SH3GLB1: variants seen among roughly 807,000 people sequenced by gnomAD.
The protein encoded by SH3GLB1 is SH3 domain containing GRB2 like, endophilin B1.
In SH3GLB1, 17 loss-of-function variants were observed where a neutral mutation model predicts 42.0. The ratio of observed to expected loss-of-function variants is 0.40; its 90% CI spans 0.28 to 0.61. The LOEUF (loss-of-function observed/expected upper bound fraction) is 0.61. Ranked by LOEUF, SH3GLB1 falls within the 20% of genes least tolerant of loss-of-function variation. SH3GLB1 has a pLI of 0.36. For missense variants in SH3GLB1, 355 were observed against 426.3 expected (o/e 0.83, Z 1.47); for synonymous variants, 132 against 146.6 (o/e 0.90, Z 0.72).
In SH3GLB1 at chr1:86,744,797, TTAAAAG is replaced by T. The variant is rs1656221713; in HGVS notation, c.*1565_*1570del. On this transcript the variant is annotated 3_prime_UTR_variant, in exon 9 of 9. Transcript: ENST00000370558. Reference sequence around the variant, plus strand: ...GACAATTTAACTCACAGTCTAAACTTTAAAAGTAGTAGTTACCCTTTTATTTCTGTG... The same window carrying T: ...GACAATTTAACTCACAGTCTAAACTTTAGTAGTTACCCTTTTATTTCTGTG... The T allele has an allele frequency of 6.6e-6, 1 of 152,256 alleles. No homozygotes were observed. Among genetic ancestry groups the T allele is most frequent in the Non-Finnish European group, 1.5e-5 (1 of 68,046 alleles). 9.4% of individuals were successfully genotyped at this position (152,256 alleles called of 1,614,324 possible). A position where few individuals can be genotyped will look rare whatever the true frequency, so the allele number is the denominator to read the frequency against.
At chr1:86,714,602 A>G (rs1654403575) in intron 1 of SH3GLB1, among the ~76,000 whole-genome samples, 2 of 152,232 alleles carry the variant, frequency 1.3e-5, no homozygotes, top group Non-Finnish European at 2.9e-5. Context: ...ACCTGAAAGT[A>G]TTAAACCAAG....
intron 7 of SH3GLB1, among the ~76,000 whole-genome samples, chr1:86,741,214 G>A (rs1464847018): frequency 6.6e-6 from 1 of 152,132 alleles, no homozygotes; most frequent in Non-Finnish European, 1.5e-5. Context: ...AGAGGTTAAG[G>A]ATACAGGGAA....
At chr1:86,705,003 G>A (rs758243196) in intron 1 of SH3GLB1, 32 bp downstream of exon 1, 11 of 1,485,864 alleles carry the variant, frequency 7.4e-6, no homozygotes, top group South Asian at 1.2e-5. Context: ...AAGGGGTGGC[G>A]GCGCCCGGGA....
Position 86,719,164 on chromosome 1 carries a change from A to G in SH3GLB1, c.215-343A>G, listed in dbSNP as rs949920439. Among the ~76,000 whole-genome samples, 26 of 152,360 alleles carry G rather than the reference A, an allele frequency of 1.7e-4. No individual in the cohort carries two copies. The South Asian group carries it at 2.9e-3, about 17-fold the overall frequency. ...TTATGAATGTACATTCAGAGTAAAAATTAGAGTTAAAATGCTACAAACAGG... is the reference window on the plus strand; with the variant it reads ...TTATGAATGTACATTCAGAGTAAAAGTTAGAGTTAAAATGCTACAAACAGG... On this transcript the variant is annotated intron_variant, in intron 2 of 8. Coordinates refer to ENST00000370558, the MANE Select transcript of SH3GLB1 (RefSeq NM_016009.5).
chr1:86,742,284 G>C lies in SH3GLB1; in HGVS notation c.838G>C (p.Gly280Arg), dbSNP rs769448209. ...ACCATCAGTTTTACCAAATGCGATT[G>C]GTTCTTCTGCCATGGCTTCAACAAG... ...PVPSVLPNAI[G>R]SSAMASTSGL... Residue 280 changes from glycine (G) to arginine (R), a missense_variant, in exon 8 of 9, where the codon GGT (glycine) becomes CGT (arginine). Coordinates refer to ENST00000370558, the MANE Select transcript of SH3GLB1 (RefSeq NM_016009.5). 1.2e-6 allele frequency: 2 copies of C among 1,614,128 alleles called. No individual in the cohort carries two copies. The highest frequency in any genetic ancestry group is 3.3e-5 in the Admixed American group (2 of 60,020).
intron 3 of SH3GLB1, among the ~76,000 whole-genome samples, chr1:86,720,725 T>C (rs1654819694): frequency 6.6e-6 from 1 of 152,236 alleles, no homozygotes; most frequent in Admixed American, 6.5e-5. Flanking sequence ...ACAGAATGGT[T>C]TATAAATTCT....
chr1:86,708,118 GA>G (rs1234359989), intron 1 of SH3GLB1, among the ~76,000 whole-genome samples: 5 of 151,976 alleles, frequency 3.3e-5, no homozygotes, highest in African/African-American at 7.2e-5. Flanking sequence ...AAATTTGTAA[GA>G]AAAAAAGGAT....
At chr1:86,737,693 T>C (rs1243413930) in intron 7 of SH3GLB1, among the ~76,000 whole-genome samples, 4 of 152,160 alleles carry the variant, frequency 2.6e-5, no homozygotes, top group Admixed American at 2.6e-4. Flanking sequence ...GGAATCTACA[T>C]TCTATATGGG....
intron 5 of SH3GLB1, chr1:86,730,243 G>T (rs1655430635): frequency 7.1e-7 from 1 of 1,404,348 alleles, no homozygotes; most frequent in Non-Finnish European, 9.3e-7. Flanking sequence ...ATCTGAAAAT[G>T]AGGGATATGT....
intron 5 of SH3GLB1, among the ~76,000 whole-genome samples, chr1:86,726,684 T>G (rs1655213706): frequency 6.6e-6 from 1 of 151,988 alleles, no homozygotes; most frequent in Admixed American, 6.6e-5. Context: ...ATTTTTCCCC[T>G]AGATAACCAA....
In SH3GLB1 at chr1:86,742,195, T is replaced by G; in HGVS notation, c.762-13T>G. 6.2e-7 allele frequency: 1 copy of G among 1,606,088 alleles called. No homozygotes were observed. The highest frequency in any genetic ancestry group is 1.1e-5 in the South Asian group (1 of 90,896). On this transcript the variant is annotated splice_polypyrimidine_tract_variant and intron_variant, in intron 7 of 8. Coordinates refer to ENST00000370558, the MANE Select transcript of SH3GLB1 (RefSeq NM_016009.5). ...ACTTGGAAATAAATAATTCGCTGCT[T>G]TCTTTTCAACAGTTTTCCATCCAAT...
intron 5 of SH3GLB1, chr1:86,730,483 T>C: frequency 1.5e-6 from 1 of 662,720 alleles, no homozygotes; most frequent in Non-Finnish European, 1.9e-6. Context: ...GAATGGGATA[T>C]ATAATATTTC....
chr1:86,714,244 G>T (rs1654382681), intron 1 of SH3GLB1, among the ~76,000 whole-genome samples: 1 of 152,202 alleles, frequency 6.6e-6, no homozygotes, highest in South Asian at 2.1e-4. Context: ...GAGGTCTGTT[G>T]CTTAGAATCT....
At chr1:86,715,489 T>C (rs1348451256) in intron 1 of SH3GLB1, among the ~76,000 whole-genome samples, 2 of 152,146 alleles carry the variant, frequency 1.3e-5, no homozygotes, top group African/African-American at 4.8e-5. Flanking sequence ...CACCATACAT[T>C]TTAGCAGAAC....
chr1:86,725,034 C>G (rs1162456508), intron 5 of SH3GLB1, among the ~76,000 whole-genome samples: 3 of 147,816 alleles, frequency 2.0e-5, no homozygotes, highest in East Asian at 2.0e-4. Context: ...TATATAGCTG[C>G]TGCTAAAAAA....
Position 86,704,799 on chromosome 1 carries a change from C to G in SH3GLB1, c.-101C>G, listed in dbSNP as rs1653719965. Reference sequence around the variant, plus strand: ...GCTGGCGCCGCCTCCCTCCACCTACCACGTCTGCCCTCGCCGCTCTAGCCC... The same window carrying G: ...GCTGGCGCCGCCTCCCTCCACCTACGACGTCTGCCCTCGCCGCTCTAGCCC... On this transcript the variant is annotated 5_prime_UTR_variant, in exon 1 of 9. Coordinates refer to ENST00000370558, the MANE Select transcript of SH3GLB1 (RefSeq NM_016009.5). The G allele has an allele frequency of 1.6e-6, 1 of 639,386 alleles. No individual in the cohort carries two copies. The highest frequency in any genetic ancestry group is 2.5e-6 in the Non-Finnish European group (1 of 392,178). The allele number at this position is 639,386 out of a possible 1,614,324, so 39.6% of individuals were successfully genotyped here.
At chr1:86,737,326 T>G (rs1406069658) in intron 7 of SH3GLB1, among the ~76,000 whole-genome samples, 1 of 152,216 alleles carries the variant, frequency 6.6e-6, no homozygotes, top group African/African-American at 2.4e-5. Context: ...TCTTTAACTC[T>G]GCAAAATTGA....
chr1:86,742,694 T>A (rs1046736136), intron 8 of SH3GLB1, among the ~76,000 whole-genome samples: 1 of 152,142 alleles, frequency 6.6e-6, no homozygotes. Flanking sequence ...CATGGTGGCT[T>A]ACACCTGTAA....
chr1:86,740,563 C>T (rs977808948), intron 7 of SH3GLB1, among the ~76,000 whole-genome samples: 3 of 151,890 alleles, frequency 2.0e-5, no homozygotes, highest in South Asian at 4.2e-4. Flanking sequence ...GATCATAGAC[C>T]CTGGTAGGCT....
Sources: gnomAD v4.1 joint callset for allele counts (sites outside exome capture counted in the v4.1 genomes callset) on GRCh38, gnomAD v4.1.1 for gene constraint, MANE v1.5 for transcripts, NCBI Gene and HGNC (gene_info 2026-07-23, HGNC 2026-07-21) for gene names.